INTS9: variants seen among roughly 807,000 people sequenced by gnomAD.
The protein encoded by INTS9 is protein related to CPSF subunits of 74 kDa.
INTS9 carries 55 observed loss-of-function variants against 79.7 expected under a neutral mutation model. The observed-to-expected ratio is 0.69, with a 90% confidence interval of 0.56 to 0.86. The LOEUF is 0.86. Ranked by LOEUF, INTS9 falls within the 40% of genes least tolerant of loss-of-function variation. INTS9 has a pLI of 0.00. For synonymous variants in INTS9, 319 were observed against 325.2 expected (o/e 0.98, Z 0.20); for missense variants, 721 against 831.5 (o/e 0.87, Z 1.64).
chr8:28,813,785 A>G lies in INTS9; in HGVS notation c.489-173T>C, dbSNP rs146655380. 5.5e-4 allele frequency: 363 copies of G among 665,134 alleles called. 1 individual carries two copies. The African/African-American group carries it at 6.1e-3, about 11-fold the overall frequency. The allele number at this position is 665,134 out of a possible 1,614,324, so 41.2% of individuals were successfully genotyped here. On this transcript the variant is annotated intron_variant, in intron 6 of 16. Coordinates refer to ENST00000521022, the MANE Select transcript of INTS9 (RefSeq NM_018250.4). ...TTTTTATTTTTACTTTTTTTGAGAC[A>G]GAGTCTCACTGTGTCACCAGGCTGG...
intron 1 of INTS9, among the ~76,000 whole-genome samples, chr8:28,869,731 TACTC>T (rs1808963002): frequency 6.6e-6 from 1 of 152,216 alleles, no homozygotes; most frequent in African/African-American, 2.4e-5. Context: ...GTGCCAATCA[TACTC>T]ACTGTCAAAC....
Position 28,796,772 on chromosome 8 carries a change from CTCT to C in INTS9, c.745-120_745-118del, listed in dbSNP as rs1804241866. 1.6e-5 allele frequency: 11 copies of C among 698,154 alleles called. No individual in the cohort carries two copies. The South Asian group carries it at 1.9e-4, about 12-fold the overall frequency. The allele number at this position is 698,154 out of a possible 1,614,324, so 43.2% of individuals were successfully genotyped here. ...TCTACGTTTAACCCATCATCGAGTTCTCTTATGTTCTCTAAGGAATAGTCTGTC... is the reference window on the plus strand; with the variant it reads ...TCTACGTTTAACCCATCATCGAGTTCTATGTTCTCTAAGGAATAGTCTGTC... On this transcript the variant is annotated intron_variant, in intron 8 of 16. Coordinates refer to ENST00000521022, the MANE Select transcript of INTS9 (RefSeq NM_018250.4).
chr8:28,798,472 A>G (rs1179222776), intron 8 of INTS9: 1 of 152,260 alleles, frequency 6.6e-6, no homozygotes, highest in Admixed American at 6.5e-5. Flanking sequence ...AAAATGGTAT[A>G]TACAATTCTG....
rs376848209 is a variant in INTS9, at chr8:28,842,667, CT to C, written c.261+4079del. Among the ~76,000 whole-genome samples, 917 of 146,700 alleles carry C rather than the reference CT, an allele frequency of 6.3e-3. 9 individuals are homozygous for C. The highest frequency in any genetic ancestry group is 0.021 in the African/African-American group (830 of 40,350). On this transcript the variant is annotated intron_variant, in intron 4 of 16. Transcript: ENST00000521022. The stretch of plus-strand genomic sequence containing the variant: ...ATATCTTGAAACGTTTCACCTCCCA[CT>C]TTTTTTTTTTGTCACATCCACAATC...
intron 11 of INTS9, among the ~76,000 whole-genome samples, chr8:28,784,965 C>T (rs561363152): frequency 1.3e-3 from 198 of 152,298 alleles, no homozygotes; most frequent in Non-Finnish European, 2.4e-3. Flanking sequence ...TTCATTCTCT[C>T]GGCAGTTCCT....
rs564846558 is a variant in INTS9, at chr8:28,774,489, AG to A, written c.1563+1269del. 1.4e-3 allele frequency among the ~76,000 whole-genome samples: 219 copies of A among 152,322 alleles called. 1 individual carries two copies. Among genetic ancestry groups the A allele is most frequent in the African/African-American group, 5.0e-3 (208 of 41,566 alleles). On this transcript the variant is annotated intron_variant, in intron 14 of 16. Transcript: ENST00000521022. ...AATCTAAACCAAGGCCGTCAATCCC[AG>A]CCCCTGTAAAATACCAGACAAAAAC... is the stretch of plus-strand genomic sequence containing the variant.
chr8:28,808,216 C>T (rs1319654753), intron 8 of INTS9, among the ~76,000 whole-genome samples: 4 of 139,624 alleles, frequency 2.9e-5, no homozygotes, highest in East Asian at 2.1e-4. Flanking sequence ...TTTTTTGAGA[C>T]GGAGTCTCTC....
intron 1 of INTS9, among the ~76,000 whole-genome samples, chr8:28,888,450 CGCG>C (rs3053468): frequency 0.88 from 133,439 of 151,958 alleles, 58,631 homozygotes; most frequent in East Asian, 0.95. Flanking sequence ...GGGAGACTGA[CGCG>C]GCGAGAGGAT....
intron 1 of INTS9, among the ~76,000 whole-genome samples, chr8:28,887,050 G>C (rs557307889): frequency 6.6e-6 from 1 of 152,272 alleles, no homozygotes; most frequent in East Asian, 1.9e-4. Context: ...GGGGAGGACA[G>C]ACACACGCCA....
chr8:28,789,826 C>T (rs938923074), intron 10 of INTS9, among the ~76,000 whole-genome samples: 5 of 152,034 alleles, frequency 3.3e-5, no homozygotes, highest in East Asian at 1.9e-4. Context: ...TGCAGTGAGC[C>T]GTGATTGTGC....
intron 6 of INTS9, among the ~76,000 whole-genome samples, chr8:28,827,124 G>C (rs987737849): frequency 6.6e-6 from 1 of 152,138 alleles, no homozygotes; most frequent in Non-Finnish European, 1.5e-5. Context: ...TGGATAAGAA[G>C]GATAAGGAAA....
At chr8:28,809,728 A>G (rs1805000957) in intron 8 of INTS9, among the ~76,000 whole-genome samples, 1 of 152,206 alleles carries the variant, frequency 6.6e-6, no homozygotes, top group Admixed American at 6.5e-5. Context: ...GAAGCTGCCA[A>G]TAAAAAATTT....
intron 6 of INTS9, among the ~76,000 whole-genome samples, chr8:28,821,662 T>C (rs1296128740): frequency 6.6e-6 from 1 of 152,178 alleles, no homozygotes; most frequent in Non-Finnish European, 1.5e-5. Flanking sequence ...TTGCTGGGAA[T>C]GTTCTCTTCC....
intron 1 of INTS9, among the ~76,000 whole-genome samples, chr8:28,876,503 A>G (rs766627853): frequency 2.0e-5 from 3 of 152,240 alleles, no homozygotes; most frequent in Non-Finnish European, 2.9e-5. Flanking sequence ...GAAAGCAGTC[A>G]GCTACAGCAC....
At chr8:28,858,986 A>G (rs1157974199) in intron 2 of INTS9, among the ~76,000 whole-genome samples, 1 of 152,258 alleles carries the variant, frequency 6.6e-6, no homozygotes, top group African/African-American at 2.4e-5. Flanking sequence ...AACTTGGGCT[A>G]CATATGTGGT....
chr8:28,777,689 T>C lies in INTS9; in HGVS notation c.1395+140A>G, dbSNP rs1451922708. Reference sequence around the variant, plus strand: ...TTCAGTGTGGAGGGGGGCTGGCATGTGTCCCAGCATTCTGCAGATGCGTGA... The same window carrying C: ...TTCAGTGTGGAGGGGGGCTGGCATGCGTCCCAGCATTCTGCAGATGCGTGA... On this transcript the variant is annotated intron_variant, in intron 13 of 16. Transcript: ENST00000521022. 4.5e-6 allele frequency: 4 copies of C among 889,710 alleles called. No homozygotes were observed. In the East Asian group the frequency reaches 1.3e-4, roughly 29 times the overall value. The allele number at this position is 889,710 out of a possible 1,614,324, so 55.1% of individuals were successfully genotyped here.
In INTS9 at chr8:28,796,639, G is replaced by A. The variant is rs1563257321; in HGVS notation, c.761C>T (p.Ser254Phe). The stretch of plus-strand genomic sequence containing the variant: ...AACAAGAACATCGCTGTTTTTGAGA[G>A]AAGCTTGGTCCATGGGCTGAAAAAG... ...TTHPQPMDQA[S>F]LKNSDVLVLT... The change falls in exon 9 of 17, where the codon TCT becomes TTT. Residue 254 changes from serine to phenylalanine, a missense_variant. By Grantham distance (155) the Ser-to-Phe change is radical. Around this residue, in one of 3 missense-constraint regions of INTS9, gnomAD observed 291 missense variants for 307.0 expected, o/e 0.95. Coordinates refer to ENST00000521022, the MANE Select transcript of INTS9 (RefSeq NM_018250.4). 1.2e-6 allele frequency: 2 copies of A among 1,613,012 alleles called. No individual in the cohort carries two copies. Among genetic ancestry groups the A allele is most frequent in the Non-Finnish European group, 1.7e-6 (2 of 1,178,938 alleles).
At chr8:28,771,133 T>C (rs1214485568) in intron 14 of INTS9, 53 bp from the exon 15 acceptor site, 3 of 1,172,586 alleles carry the variant, frequency 2.6e-6, no homozygotes, top group Admixed American at 3.9e-5. Context: ...TGACCATTAC[T>C]CTTCCTTTAA....
intron 11 of INTS9, among the ~76,000 whole-genome samples, chr8:28,782,770 C>G (rs241194): frequency 0.76 from 114,892 of 152,140 alleles, 43,632 homozygotes; most frequent in Non-Finnish European, 0.8. Context: ...AAAAAAAGTT[C>G]TTGGATACTG....
Sources: gnomAD v4.1 joint callset for allele counts (sites outside exome capture counted in the v4.1 genomes callset) on GRCh38, gnomAD v4.1.1 for gene constraint, gnomAD v4.1.1 regional missense constraint, MANE v1.5 for transcripts, NCBI Gene and HGNC (gene_info 2026-07-23, HGNC 2026-07-21) for gene names.